Variants in TCHH observed in about 807,000 individuals in gnomAD.
TCHH encodes the protein trichohyalin.
Under a neutral mutation model 6.3 loss-of-function variants are expected in TCHH, and 6 were observed. The observed-to-expected ratio is 0.95, with a 90% CI of 0.52 to 1.88. The LOEUF is 1.88. Among genes scored for constraint, TCHH ranks in the 40% most tolerant of loss-of-function variants. TCHH has a pLI of 0.01. For missense variants in TCHH, 2,920 were observed against 2,449.1 expected (o/e 1.19, Z -4.06); for synonymous variants, 1,087 against 963.6 (o/e 1.13, Z -2.37).
At chr1:152,114,212 A>ACCGC in intron 1 of TCHH, 101 bp from the exon 2 acceptor site, 1 of 812,532 alleles carries the variant, frequency 1.2e-6, no homozygotes, top group Non-Finnish European at 1.8e-6. Flanking sequence ...ATTTGAATTT[A>ACCGC]TAGCGGTAAT....
Position 152,110,510 on chromosome 1 carries a change from G to C in TCHH, c.2707C>G (p.Gln903Glu). The change falls in exon 3 of 3, where the codon CAG (glutamine) becomes GAG (glutamate). Residue 903 changes from glutamine (Q) to glutamate (E), a missense_variant. Physicochemically the swap from Gln to Glu is conservative, Grantham distance 29 (BLOSUM62 2). Transcript: ENST00000614923. ...TCCTCCTCCTCCTGCAGCAGCTGCT[G>C]TTCCTTCCTCAGCTGCTCTTGTAGG... ...PALQEQLRKE[Q>E]QLLQEEEEEL... 2 of 1,614,088 alleles carry C rather than the reference G, an allele frequency of 1.2e-6. No individual in the cohort carries two copies. Among genetic ancestry groups the C allele is most frequent in the Non-Finnish European group, 1.7e-6 (2 of 1,179,998 alleles).
At chr1:152,113,369 C>A (rs1412256388) in intron 2 of TCHH, among the ~76,000 whole-genome samples, 1 of 152,202 alleles carries the variant, frequency 6.6e-6, no homozygotes, top group Non-Finnish European at 1.5e-5. Flanking sequence ...ACCTTAGAGG[C>A]AGAGCCTGAG....
In TCHH at chr1:152,112,851, G is replaced by A. The variant is rs753846721; in HGVS notation, c.366C>T (p.Phe122=). The part of the protein sequence containing the change: ...DRRQEEDQRR[F]EPRDRQLEEE... Reference sequence around the variant, plus strand: ...CTTCCAGTTGTCTGTCCCGGGGCTCGAATCTCCTTTGGTCTTCTTCTTGCC... The same window carrying A: ...CTTCCAGTTGTCTGTCCCGGGGCTCAAATCTCCTTTGGTCTTCTTCTTGCC... Residue 122 remains phenylalanine (F), a synonymous_variant, in exon 3 of 3, where the codon TTC becomes TTT. Transcript: ENST00000614923. The A allele has an allele frequency of 1.9e-6, 3 of 1,613,766 alleles. No individual in the cohort carries two copies. In the South Asian group the frequency reaches 3.3e-5, roughly 18 times the overall value.
chr1:152,111,710 G>A lies in TCHH; in HGVS notation c.1507C>T (p.Arg503Cys), dbSNP rs760255481. Residue 503 changes from arginine (R) to cysteine (C), a missense_variant, in exon 3 of 3, where the codon CGC becomes TGC. Transcript: ENST00000614923. ...EEERREQQER[R>C]EQQLRREQEE... The stretch of plus-strand genomic sequence containing the variant: ...TGCTCCCGCCTTAGTTGCTGCTCGC[G>A]CCTCTCCTGCTGCTCGCGCCTCTCC... The A allele has an allele frequency of 6.4e-7, 1 of 1,569,054 alleles. No homozygotes were observed. Among genetic ancestry groups the A allele is most frequent in the Non-Finnish European group, 8.7e-7 (1 of 1,148,732 alleles).
At position 152,108,435 on chromosome 1, in the gene TCHH, C is replaced by T. The variant is rs370389998; in HGVS notation, c.4782G>A (p.Glu1594=). 9.9e-6 allele frequency: 16 copies of T among 1,612,530 alleles called. No individual in the cohort carries two copies. The highest frequency in any genetic ancestry group is 4.2e-6 in the Non-Finnish European group (5 of 1,179,694). The change falls in exon 3 of 3, where the codon GAG becomes GAA. Residue 1594 remains glutamate, a synonymous_variant. Transcript: ENST00000614923. ...GCTGTTCGTCCTCCATGAATTTTCT[C>T]TCTTGTTCCTGGCGGCGCACTTTCT... The part of the protein sequence containing the change: ...EEQKVRRQEQ[E]RKFMEDEQQL...
chr1:152,107,691 G>A lies in TCHH; in HGVS notation c.5526C>T (p.Asp1842=), dbSNP rs752827940. 2.5e-6 allele frequency: 4 copies of A among 1,614,082 alleles called. No individual in the cohort carries two copies. The African/African-American group carries it at 4.0e-5, about 16-fold the overall frequency. ...EQEQRLRQER[D]RQYRAEEQFA... ...ACTGCTCCTCCGCCCGGTACTGCCG[G>A]TCTCGCTCCTGCCGCAGCCTCTGCT... The change falls in exon 3 of 3, where the codon GAC becomes GAT. Residue 1842 remains aspartate (D), a synonymous_variant. Coordinates refer to ENST00000614923, the MANE Select transcript of TCHH (RefSeq NM_007113.4).
chr1:152,108,341 G>A lies in TCHH; in HGVS notation c.4876C>T (p.Gln1626Ter), dbSNP rs761404839. 11 of 1,608,074 alleles carry A rather than the reference G, an allele frequency of 6.8e-6. No homozygotes were observed. Among genetic ancestry groups the A allele is most frequent in the East Asian group, 2.3e-5 (1 of 44,440 alleles). Residue 1626 changes from glutamine (Q) to a stop codon, truncating the protein, a stop_gained, in exon 3 of 3, where the codon CAG (glutamine) becomes TAG (stop). Coordinates refer to ENST00000614923, the MANE Select transcript of TCHH (RefSeq NM_007113.4). LOFTEE classifies it low-confidence loss of function (END_TRUNC). ...ERDRKFREDE[Q>*]LLQEREEQQL... ...TGTTCTTCCCTTTCCTGGAGCAGCTGTTCGTCTTCGCGGAATTTTCTGTCG... is the reference window on the plus strand; with the variant it reads ...TGTTCTTCCCTTTCCTGGAGCAGCTATTCGTCTTCGCGGAATTTTCTGTCG...
chr1:152,109,687 T>A lies in TCHH; in HGVS notation c.3530A>T (p.Gln1177Leu). 6.2e-7 allele frequency: 1 copy of A among 1,608,736 alleles called. No homozygotes were observed. Among genetic ancestry groups the A allele is most frequent in the East Asian group, 2.2e-5 (1 of 44,584 alleles). Reference sequence around the variant, plus strand: ...TCTCAGCAGCTGCTCTTCCTCCTGCTGCAGCTCCTCTTCCTCGCGGTATTG... The same window carrying A: ...TCTCAGCAGCTGCTCTTCCTCCTGCAGCAGCTCCTCTTCCTCGCGGTATTG... The part of the protein sequence containing the change: ...ERQYREEEEL[Q>L]QEEEQLLREE... Residue 1177 changes from glutamine (Q) to leucine (L), a missense_variant, in exon 3 of 3, where the codon CAG becomes CTG. Physicochemically the swap from Gln to Leu is moderately radical, Grantham distance 113. Coordinates refer to ENST00000614923, the MANE Select transcript of TCHH (RefSeq NM_007113.4).
rs1658299570 is a variant in TCHH at position 152,110,499 on chromosome 1, C to G, written c.2718G>C (p.Leu906=). 6.2e-7 allele frequency: 1 copy of G among 1,614,062 alleles called. No homozygotes were observed. The highest frequency in any genetic ancestry group is 1.1e-5 in the South Asian group (1 of 91,092). The change falls in exon 3 of 3, where the codon CTG becomes CTC. Residue 906 remains leucine (L), a synonymous_variant. Coordinates refer to ENST00000614923, the MANE Select transcript of TCHH (RefSeq NM_007113.4). The stretch of plus-strand genomic sequence containing the variant: ...TCTGTAGCTCCTCCTCCTCCTCCTG[C>G]AGCAGCTGCTGTTCCTTCCTCAGCT... ...QEQLRKEQQL[L]QEEEEELQRE...
Position 152,108,311 on chromosome 1 carries a change from G to C in TCHH, c.4906C>G (p.Leu1636Val). The C allele has an allele frequency of 5.6e-6, 9 of 1,612,348 alleles. No individual in the cohort carries two copies. The highest frequency in any genetic ancestry group is 7.6e-6 in the Non-Finnish European group (9 of 1,179,246). Reference sequence around the variant, plus strand: ...TTTCTGTCACGCTCTTGGCGGTGCAGCTGCTGTTCTTCCCTTTCCTGGAGC... The same window carrying C: ...TTTCTGTCACGCTCTTGGCGGTGCACCTGCTGTTCTTCCCTTTCCTGGAGC... ...QLLQEREEQQLHRQERDRKFL... is the reference protein window; with the variant it reads ...QLLQEREEQQVHRQERDRKFL... The change falls in exon 3 of 3, where the codon CTG (leucine) becomes GTG (valine). Residue 1636 changes from leucine to valine, a missense_variant. Coordinates refer to ENST00000614923, the MANE Select transcript of TCHH (RefSeq NM_007113.4).
Position 152,107,959 on chromosome 1 carries a change from T to C in TCHH, c.5258A>G (p.Glu1753Gly). Residue 1753 changes from glutamate (E) to glycine (G), a missense_variant, in exon 3 of 3, where the codon GAG (glutamate) becomes GGG (glycine). Coordinates refer to ENST00000614923, the MANE Select transcript of TCHH (RefSeq NM_007113.4). ...TTCTTCCCTTTCCGGACGGAGCTGC[T>C]CTTCCTCTAGGATTTTTCTGTAGCG... ...QERYRKILEE[E>G]QLRPEREEQQ... 6.2e-7 allele frequency: 1 copy of C among 1,612,106 alleles called. No homozygotes were observed. Among genetic ancestry groups the C allele is most frequent in the Non-Finnish European group, 8.5e-7 (1 of 1,179,566 alleles).
chr1:152,109,247 CCT>C lies in TCHH; in HGVS notation c.3968_3969del (p.Glu1323GlyfsTer36). Reference protein sequence around the residue: ...KSQEEKQLLREEREEKRRRQE... With the variant: ...KSQEEKQLLRXEREEKRRRQE... ...TGACGGCGTCTCTTCTCTTCTCTTT[CCT>C]CTCTCAGCAACTGCTTTTCCTCTTG... On this transcript the variant is annotated frameshift_variant, in exon 3 of 3. Transcript: ENST00000614923. LOFTEE classifies it low-confidence loss of function (END_TRUNC). 1 of 1,614,234 alleles carries C rather than the reference CCT, an allele frequency of 6.2e-7. No individual in the cohort carries two copies. Among genetic ancestry groups the C allele is most frequent in the Non-Finnish European group, 8.5e-7 (1 of 1,180,022 alleles).
rs180778449 is a variant in TCHH at position 152,112,175 on chromosome 1, C to T, written c.1042G>A (p.Glu348Lys). Residue 348 changes from glutamate to lysine, a missense_variant, in exon 3 of 3, where the codon GAG becomes AAG. Coordinates refer to ENST00000614923, the MANE Select transcript of TCHH (RefSeq NM_007113.4). ...QLRREQEERR[E>K]QQLRREQEEE... ...TCCTGCTCGCGCCTCAGCTGCTGCT[C>T]GCGCCTCTCCTCCTGCTCGCGCCTC... 328 of 1,529,908 alleles carry T rather than the reference C, an allele frequency of 2.1e-4. 2 individuals carry two copies. In the East Asian group the frequency reaches 5.7e-3, roughly 27 times the overall value. The allele number at this position is 1,529,908 out of a possible 1,614,324, so 94.8% of individuals were successfully genotyped here.
chr1:152,107,168 A>C lies in TCHH; in HGVS notation c.*217T>G, dbSNP rs1448981847. On this transcript the variant is annotated 3_prime_UTR_variant, in exon 3 of 3. Coordinates refer to ENST00000614923, the MANE Select transcript of TCHH (RefSeq NM_007113.4). ...CACATCTGCATCAAAGAGCAAAAGAAAGACATCTTGCAGTAAAGAACTACT... is the reference window on the plus strand; with the variant it reads ...CACATCTGCATCAAAGAGCAAAAGACAGACATCTTGCAGTAAAGAACTACT... 1 of 444,318 alleles carries C rather than the reference A, an allele frequency of 2.3e-6. No individual in the cohort carries two copies. The highest frequency in any genetic ancestry group is 3.9e-6 in the Non-Finnish European group (1 of 254,400). The allele number at this position is 444,318 out of a possible 1,614,324, so 27.5% of individuals were successfully genotyped here.
rs779156180 is a variant in TCHH at position 152,109,367 on chromosome 1, T to C, written c.3850A>G (p.Arg1284Gly). The change falls in exon 3 of 3, where the codon AGG (arginine) becomes GGG (glycine). Residue 1284 changes from arginine to glycine, a missense_variant. Coordinates refer to ENST00000614923, the MANE Select transcript of TCHH (RefSeq NM_007113.4). ...QQERDREQER[R>G]RWQQRDRHFP... ...TGCCTGTCGCGCTGCTGCCAGCGCCTCCTCTCTTGCTCACGATCTCGCTCT... is the reference window on the plus strand; with the variant it reads ...TGCCTGTCGCGCTGCTGCCAGCGCCCCCTCTCTTGCTCACGATCTCGCTCT... 6.2e-7 allele frequency: 1 copy of C among 1,614,178 alleles called. No homozygotes were observed. Among genetic ancestry groups the C allele is most frequent in the Non-Finnish European group, 8.5e-7 (1 of 1,180,000 alleles).
At position 152,108,000 on chromosome 1, in the gene TCHH, C is replaced by G. The variant is rs1163076796; in HGVS notation, c.5217G>C (p.Gln1739His). 5.0e-6 allele frequency: 8 copies of G among 1,613,390 alleles called. No homozygotes were observed. Among genetic ancestry groups the G allele is most frequent in the Non-Finnish European group, 5.9e-6 (7 of 1,179,874 alleles). ...TTCTGTAGCGTTCTTGGCGGCGCAG[C>G]TGCTCTTGCTCCGTTTCTTGGCGCA... ...EQLRQETEQE[Q>H]LRRQERYRKI... Residue 1739 changes from glutamine (Q) to histidine (H), a missense_variant, in exon 3 of 3, where the codon CAG becomes CAC. Coordinates refer to ENST00000614923, the MANE Select transcript of TCHH (RefSeq NM_007113.4).
At position 152,111,098 on chromosome 1, in the gene TCHH, G is replaced by A. The variant is rs1457514036; in HGVS notation, c.2119C>T (p.Gln707Ter). Reference sequence around the variant, plus strand: ...CGTGCGTCGGCCTCGCTTTCTAGCTGCCACTGCCACTTCGGGATGCGGCTC... The same window carrying A: ...CGTGCGTCGGCCTCGCTTTCTAGCTACCACTGCCACTTCGGGATGCGGCTC... ...IKSRIPKWQW[Q>*]LESEADARQS... is the part of the protein sequence containing the mutation. Residue 707 changes from glutamine to a stop codon, truncating the protein, a stop_gained, in exon 3 of 3, where the codon CAG (glutamine) becomes TAG (stop). Transcript: ENST00000614923. LOFTEE classifies it low-confidence loss of function (END_TRUNC). 1.2e-6 allele frequency: 2 copies of A among 1,613,562 alleles called. No individual in the cohort carries two copies. Among genetic ancestry groups the A allele is most frequent in the Non-Finnish European group, 1.7e-6 (2 of 1,180,028 alleles).
Position 152,111,080 on chromosome 1 carries a change from C to T in TCHH, c.2137G>A (p.Asp713Asn). 6.2e-7 allele frequency: 1 copy of T among 1,613,528 alleles called. No individual in the cohort carries two copies. Reference protein sequence around the residue: ...KWQWQLESEADARQSKVYSRP... With the variant: ...KWQWQLESEANARQSKVYSRP... ...GAGTAGACTTTGCTTTGCCGTGCGT[C>T]GGCCTCGCTTTCTAGCTGCCACTGC... Residue 713 changes from aspartate (D) to asparagine (N), a missense_variant, in exon 3 of 3, where the codon GAC becomes AAC. Physicochemically the swap from Asp to Asn is conservative, Grantham distance 23 (BLOSUM62 1). Coordinates refer to ENST00000614923, the MANE Select transcript of TCHH (RefSeq NM_007113.4).
chr1:152,108,603 C>G lies in TCHH; in HGVS notation c.4614G>C (p.Gln1538His). Residue 1538 changes from glutamine to histidine, a missense_variant, in exon 3 of 3, where the codon CAG becomes CAC. Physicochemically the swap from Gln to His is conservative, Grantham distance 24. Transcript: ENST00000614923. The stretch of plus-strand genomic sequence containing the variant: ...GCCCGCGCTCCTGGCGGCGCAGCTG[C>G]TGTTCCTCCTGGAGGAATTTTCTCT... ...QRQRKFLQEE[Q>H]QLRRQERGQQ... 2 of 1,600,842 alleles carry G rather than the reference C, an allele frequency of 1.2e-6. No homozygotes were observed. Among genetic ancestry groups the G allele is most frequent in the Non-Finnish European group, 1.7e-6 (2 of 1,174,870 alleles).
Sources: gnomAD v4.1 joint callset for allele counts (sites outside exome capture counted in the v4.1 genomes callset) on GRCh38, gnomAD v4.1.1 for gene constraint, MANE v1.5 for transcripts, NCBI Gene and HGNC (gene_info 2026-07-23, HGNC 2026-07-21) for gene names.